TCF3: variants seen among roughly 807,000 people sequenced by gnomAD.
The protein encoded by TCF3 is transcription factor 3, also known as transcription factor E2-alpha.
A neutral mutation model predicts 72.3 loss-of-function variants in TCF3; 54 were observed. The observed-to-expected ratio is 0.75, with a 90% confidence interval of 0.60 to 0.94. TCF3 has a LOEUF of 0.94. Among genes scored for constraint, TCF3 ranks in the 40% least tolerant of loss-of-function variants. The pLI is 0.00. For missense variants in TCF3, 1,078 were observed against 934.4 expected, an observed-to-expected ratio of 1.15 and a Z score of -2.00; for synonymous variants, 525 against 412.6, an observed-to-expected ratio of 1.27 and a Z score of -3.30.
chr19:1,646,593 ACT>A (rs2066136207), intron 2 of TCF3, among the ~76,000 whole-genome samples, 166 bp from the exon 3 acceptor site: 1 of 151,482 alleles, frequency 6.6e-6, no homozygotes, highest in Non-Finnish European at 1.5e-5. Flanking sequence ...AGACCAGAAG[ACT>A]CTGAGGACTC....
At chr19:1,617,427 T>C (rs528285939) in intron 16 of TCF3, among the ~76,000 whole-genome samples, 6 of 152,286 alleles carry the variant, frequency 3.9e-5, no homozygotes, top group Non-Finnish European at 8.8e-5. Context: ...AGAACAATAA[T>C]TGCAAAACAT....
intron 13 of TCF3, among the ~76,000 whole-genome samples, chr19:1,620,756 T>C (rs1456791734): frequency 3.3e-5 from 5 of 152,154 alleles, no homozygotes; most frequent in Non-Finnish European, 4.4e-5. Context: ...CACAAGCCCA[T>C]GGGGGACTCC....
chr19:1,646,782 C>T (rs1568509504), intron 2 of TCF3, among the ~76,000 whole-genome samples: 7 of 152,214 alleles, frequency 4.6e-5, no homozygotes. Context: ...CTTATCAGCT[C>T]TTGACAGTGA....
Position 1,624,013 on chromosome 19 carries a change from A to G in TCF3, c.500-13T>C, listed in dbSNP as rs774742783. ...TTGGGCTGCGTGTCTGTTAGAAGCAAAAGGGGTGAGAACCGGCCACCGGCC... is the reference window on the plus strand; with the variant it reads ...TTGGGCTGCGTGTCTGTTAGAAGCAGAAGGGGTGAGAACCGGCCACCGGCC... On this transcript the variant is annotated splice_polypyrimidine_tract_variant and intron_variant, in intron 7 of 18. Coordinates refer to ENST00000262965, the MANE Select transcript of TCF3 (RefSeq NM_003200.5). 5 of 1,613,024 alleles carry G rather than the reference A, an allele frequency of 3.1e-6. No individual in the cohort carries two copies. The East Asian group carries it at 8.9e-5, about 29-fold the overall frequency.
intron 16 of TCF3, among the ~76,000 whole-genome samples, chr19:1,616,946 A>G (rs748440429): frequency 6.6e-6 from 1 of 152,232 alleles, no homozygotes; most frequent in Non-Finnish European, 1.5e-5. Context: ...GGAAAGGACA[A>G]AAAGAAAGTA....
chr19:1,612,083 A>G, intron 18 of TCF3: 2 of 1,033,082 alleles, frequency 1.9e-6, no homozygotes, highest in Non-Finnish European at 2.7e-6. Context: ...ACTGGGTCTG[A>G]GTCCAGCCAC....
In TCF3 at chr19:1,610,020, C is replaced by G. The variant is rs988932181; in HGVS notation, c.*1687G>C. ...CCTGGGTGCCACAGTGACCACTGCC[C>G]TAGTTCGTGTGGAACTGGATGGGAT... is the stretch of plus-strand genomic sequence containing the variant. On this transcript the variant is annotated 3_prime_UTR_variant, in exon 19 of 19. Transcript: ENST00000262965. 13 of 232,880 alleles carry G rather than the reference C, an allele frequency of 5.6e-5. No individual in the cohort carries two copies. The highest frequency in any genetic ancestry group is 1.0e-4 in the Non-Finnish European group (12 of 117,894). The allele number at this position is 232,880 out of a possible 1,614,324, so 14.4% of individuals were successfully genotyped here. A position where few individuals can be genotyped will look rare whatever the true frequency, so the allele number is the denominator to read the frequency against.
rs1416161598 is a variant in TCF3, at chr19:1,650,038, C to A, written c.72+139G>T. 4 of 851,794 alleles carry A rather than the reference C, an allele frequency of 4.7e-6. No homozygotes were observed. In the Admixed American group the frequency reaches 1.0e-4, roughly 21 times the overall value. The allele number at this position is 851,794 out of a possible 1,614,324, so 52.8% of individuals were successfully genotyped here. A position where few individuals can be genotyped will look rare whatever the true frequency, so the allele number is the denominator to read the frequency against. ...CTCCTGCCAGAGAGCGGCCCACTCC[C>A]CCAGCCCCACCGGGGCCTCCCATCC... is the stretch of plus-strand genomic sequence containing the variant. On this transcript the variant is annotated intron_variant, in intron 2 of 18. Coordinates refer to ENST00000262965, the MANE Select transcript of TCF3 (RefSeq NM_003200.5).
chr19:1,620,940 C>T (rs767195726), intron 13 of TCF3, 28 bp downstream of exon 13: 18 of 1,465,294 alleles, frequency 1.2e-5, no homozygotes, highest in Admixed American at 2.9e-5. Context: ...AGACCTCAGC[C>T]TCCCCTCCCC....
intron 2 of TCF3, among the ~76,000 whole-genome samples, chr19:1,649,924 T>TGAG (rs2066742637): frequency 1.3e-5 from 2 of 152,250 alleles, no homozygotes; most frequent in African/African-American, 2.4e-5. Flanking sequence ...CCCTGAGGAC[T>TGAG]CAGTTTCCCC....
chr19:1,639,483 G>C (rs145459919), intron 3 of TCF3, among the ~76,000 whole-genome samples: 1 of 152,260 alleles, frequency 6.6e-6, no homozygotes, highest in Non-Finnish European at 1.5e-5. Flanking sequence ...GGATGGCGCT[G>C]CTCTCAGCCT....
chr19:1,616,242 A>AGGTG (rs1396756252), intron 16 of TCF3, among the ~76,000 whole-genome samples: 1 of 152,104 alleles, frequency 6.6e-6, no homozygotes, highest in Non-Finnish European at 1.5e-5. Context: ...TGGGAGGCCG[A>AGGTG]GGTGGGTGGA....
chr19:1,613,585 TGGACAGA>T (rs1324489609), intron 18 of TCF3, among the ~76,000 whole-genome samples: 1 of 152,110 alleles, frequency 6.6e-6, no homozygotes, highest in Non-Finnish European at 1.5e-5. Flanking sequence ...AGACTCACTG[TGGACAGA>T]GGAGGCCTTG....
chr19:1,622,033 G>A, intron 10 of TCF3, 21 bp downstream of exon 10: 9 of 1,594,326 alleles, frequency 5.6e-6, no homozygotes, highest in Non-Finnish European at 6.8e-6. Flanking sequence ...CCCACCCCCT[G>A]CCCCCTGCCC....
chr19:1,642,167 C>A (rs918803588), intron 3 of TCF3, among the ~76,000 whole-genome samples: 20 of 150,502 alleles, frequency 1.3e-4, no homozygotes, highest in Non-Finnish European at 2.5e-4. Context: ...CACACACACG[C>A]ACGCGTACAC....
Position 1,630,995 on chromosome 19 carries a change from G to A in TCF3, c.298+1043C>T, listed in dbSNP as rs143441525. Among the ~76,000 whole-genome samples the A allele has an allele frequency of 5.0e-3, 756 of 152,332 alleles. 12 individuals carry two copies. The highest frequency in any genetic ancestry group is 0.017 in the African/African-American group (713 of 41,586). ...GCGTCCCAGTCAGCCCCACCCAGCCGCAGACCCCCGGCCAGGGTGCCCTTC... is the reference window on the plus strand; with the variant it reads ...GCGTCCCAGTCAGCCCCACCCAGCCACAGACCCCCGGCCAGGGTGCCCTTC... On this transcript the variant is annotated intron_variant, in intron 5 of 18. Coordinates refer to ENST00000262965, the MANE Select transcript of TCF3 (RefSeq NM_003200.5).
At position 1,609,987 on chromosome 19, in the gene TCF3, GGC is replaced by G. The variant is rs1448700787; in HGVS notation, c.*1718_*1719del. On this transcript the variant is annotated 3_prime_UTR_variant, in exon 19 of 19. Transcript: ENST00000262965. ...GCACATGAAGGCCCCCAGCTAGCCA[GGC>G]CCACACCTGGGTGCCACAGTGACCA... 1.3e-5 allele frequency: 3 copies of G among 232,888 alleles called. No homozygotes were observed. The highest frequency in any genetic ancestry group is 2.5e-5 in the Non-Finnish European group (3 of 117,914). The allele number at this position is 232,888 out of a possible 1,614,324, so 14.4% of individuals were successfully genotyped here. A position where few individuals can be genotyped will look rare whatever the true frequency, so the allele number is the denominator to read the frequency against.
intron 16 of TCF3, among the ~76,000 whole-genome samples, chr19:1,617,269 C>G (rs1381633003): frequency 6.6e-6 from 1 of 152,206 alleles, no homozygotes; most frequent in East Asian, 1.9e-4. Context: ...TTGGAATGAC[C>G]TACAGCCCCA....
intron 3 of TCF3, among the ~76,000 whole-genome samples, chr19:1,635,119 C>G (rs926873940): frequency 1.6e-4 from 25 of 152,332 alleles, no homozygotes; most frequent in African/African-American, 6.0e-4. Flanking sequence ...TGTGTACCGC[C>G]CCTGCCAAAC....
Sources: gnomAD v4.1 joint callset for allele counts (sites outside exome capture counted in the v4.1 genomes callset) on GRCh38, gnomAD v4.1.1 for gene constraint, MANE v1.5 for transcripts, NCBI Gene and HGNC (gene_info 2026-07-23, HGNC 2026-07-21) for gene names.